SHD: variants seen among roughly 807,000 people sequenced by gnomAD.
SHD encodes the protein SH2 domain-containing adapter protein D.
SHD carries 29 observed loss-of-function variants against 31.2 expected under a neutral mutation model. The ratio of observed to expected loss-of-function variants is 0.93; its 90% CI spans 0.69 to 1.27. The LOEUF (loss-of-function observed/expected upper bound fraction) is 1.27, where lower values mean the gene tolerates loss of function less well. Ranked by LOEUF, SHD falls within the 50% of genes most tolerant of loss-of-function variation. SHD has a pLI of 0.00. For missense variants in SHD, 520 were observed against 453.8 expected (o/e 1.15, Z -1.33); for synonymous variants, 208 against 187.8 (o/e 1.11, Z -0.88).
intron 4 of SHD, among the ~76,000 whole-genome samples, chr19:4,285,722 G>A (rs551117964): frequency 2.2e-3 from 331 of 151,532 alleles, no homozygotes; most frequent in Non-Finnish European, 3.8e-3. Flanking sequence ...GCTAATTTTT[G>A]TATTTTCAGT....
At chr19:4,290,405 G>C (rs754124686) in intron 5 of SHD, 42 bp from the exon 6 acceptor site, 25 of 1,573,918 alleles carry the variant, frequency 1.6e-5, no homozygotes, top group Non-Finnish European at 2.2e-5. Context: ...TTTCTGGGTG[G>C]GTCCGGGATG....
Position 4,282,870 on chromosome 19 carries a change from C to G in SHD, c.298C>G (p.Leu100Val). The G allele has an allele frequency of 1.2e-6, 2 of 1,613,874 alleles. No homozygotes were observed. The highest frequency in any genetic ancestry group is 1.7e-6 in the Non-Finnish European group (2 of 1,179,862). ...CTTCTCCCCTTCCTTCTCTCCGCAG[C>G]TGGAAGCCGACACTGAGTATTTAGA... ...KALLGGPGEE[L>V]EADTEYLDPF... Residue 100 changes from leucine to valine, a missense_variant and splice_region_variant, in exon 2 of 6, where the codon CTG (leucine) becomes GTG (valine). Coordinates refer to ENST00000543264, the MANE Select transcript of SHD (RefSeq NM_020209.4).
rs986718749 is a variant in SHD, at chr19:4,279,836, C to T, written c.-228C>T. 5.0e-5 allele frequency: 29 copies of T among 581,982 alleles called. No individual in the cohort carries two copies. The East Asian group carries it at 8.1e-4, about 16-fold the overall frequency. The allele number at this position is 581,982 out of a possible 1,614,324, so 36.1% of individuals were successfully genotyped here. On this transcript the variant is annotated 5_prime_UTR_variant, in exon 1 of 6. Transcript: ENST00000543264. The surrounding 1 kb of genome is among the most constrained non-coding windows in gnomAD (Gnocchi z 7.5). ...CGGTGCTTCCCAAGCTGGGCTAAGGCGGGCTTCTCTTCCTCCCTCCTCTGT... is the reference window on the plus strand; with the variant it reads ...CGGTGCTTCCCAAGCTGGGCTAAGGTGGGCTTCTCTTCCTCCCTCCTCTGT...
At chr19:4,288,484 G>C in intron 5 of SHD, 122 bp downstream of exon 5, 1 of 1,228,416 alleles carries the variant, frequency 8.1e-7, no homozygotes, top group Non-Finnish European at 1.1e-6. Flanking sequence ...TTCCAGGTCA[G>C]TGGGTGGGAC....
chr19:4,281,911 G>C (rs1227882564), intron 1 of SHD, among the ~76,000 whole-genome samples: 1 of 152,178 alleles, frequency 6.6e-6, no homozygotes, highest in South Asian at 2.1e-4. Flanking sequence ...TCCTTGTCTG[G>C]AAAAGGGGAA....
chr19:4,282,464 G>A lies in SHD; in HGVS notation c.298-406G>A, dbSNP rs182091097. The stretch of plus-strand genomic sequence containing the variant: ...AACTCAGCTGGGCGCGGTTGCTCAC[G>A]CCTGTAATCCCAGCACGTTGGGAGC... On this transcript the variant is annotated intron_variant, in intron 1 of 5. Transcript: ENST00000543264. 3.7e-3 allele frequency among the ~76,000 whole-genome samples: 564 copies of A among 151,920 alleles called. 3 individuals are homozygous for A. The highest frequency in any genetic ancestry group is 0.013 in the African/African-American group (526 of 41,398).
chr19:4,280,702 AT>A (rs986375811), intron 1 of SHD, among the ~76,000 whole-genome samples: 24 of 151,384 alleles, frequency 1.6e-4, no homozygotes, highest in African/African-American at 5.6e-4. Context: ...TAATTTTTGT[AT>A]TTTCAGTAGA....
At chr19:4,288,055 C>A in intron 4 of SHD, 188 bp from the exon 5 acceptor site, 6 of 506,870 alleles carry the variant, frequency 1.2e-5, no homozygotes, top group Non-Finnish European at 1.9e-5. Context: ...GCACCCGCCA[C>A]CACGCCCGGC....
chr19:4,280,365 G>C lies in SHD; in HGVS notation c.297+5G>C. The C allele has an allele frequency of 1.3e-6, 2 of 1,554,656 alleles. No homozygotes were observed. The highest frequency in any genetic ancestry group is 1.7e-6 in the Non-Finnish European group (2 of 1,148,786). The stretch of plus-strand genomic sequence containing the variant: ...CTGGGCGGCCCCGGGGAGGAGGTGC[G>C]TGGCTGGGTGGCCTGGGGAGACTGG... On this transcript the variant is annotated splice_donor_5th_base_variant and intron_variant, in intron 1 of 5. Transcript: ENST00000543264.
chr19:4,288,558 A>C (rs888931), intron 5 of SHD, among the ~76,000 whole-genome samples, 196 bp downstream of exon 5: 73,165 of 151,742 alleles, frequency 0.48, 19,708 homozygotes, highest in African/African-American at 0.72. Context: ...GAATGAGCTC[A>C]CCATCGCTGG....
chr19:4,287,477 C>T (rs899691499), intron 4 of SHD, among the ~76,000 whole-genome samples: 28 of 151,784 alleles, frequency 1.8e-4, no homozygotes, highest in African/African-American at 6.3e-4. Flanking sequence ...ATAACCAGGG[C>T]TCCTCTTGAA....
chr19:4,280,729 G>T lies in SHD; in HGVS notation c.297+369G>T, dbSNP rs1179941478. Among the ~76,000 whole-genome samples, 6 of 152,166 alleles carry T rather than the reference G, an allele frequency of 3.9e-5. No homozygotes were observed. The South Asian group carries it at 1.0e-3, about 26-fold the overall frequency. On this transcript the variant is annotated intron_variant, in intron 1 of 5. Transcript: ENST00000543264. ...TTTCAGTAGAGACTGGTTTCACCAT[G>T]TTAGCCAGGCTGGACTCAAACTCCT... is the stretch of plus-strand genomic sequence containing the variant.
Position 4,290,706 on chromosome 19 carries a change from A to AT in SHD, c.*74dup, listed in dbSNP as rs1971370601. On this transcript the variant is annotated 3_prime_UTR_variant, in exon 6 of 6. Transcript: ENST00000543264. ...CCAAAGCCCTCCCATGGCCTAGAAA[A>AT]TAAATAAGTTATTGTTTGTCTTAGT... 7.0e-7 allele frequency: 1 copy of AT among 1,432,720 alleles called. No homozygotes were observed. The highest frequency in any genetic ancestry group is 9.3e-7 in the Non-Finnish European group (1 of 1,070,538). 88.8% of individuals were successfully genotyped at this position (1,432,720 alleles called of 1,614,324 possible). A position where few individuals can be genotyped will look rare whatever the true frequency, so the allele number is the denominator to read the frequency against.
Position 4,283,224 on chromosome 19 carries a change from A to T in SHD, c.574A>T (p.Ile192Phe). ...GCCCTGGGAGTGGAAGAAAGACCAC[A>T]TCTCCAGGGCGTTTGCAGGTGCTTC... ...DQPWEWKKDH[I>F]SRAFAVQFDS... Residue 192 changes from isoleucine (I) to phenylalanine (F), a missense_variant, in exon 3 of 6, where the codon ATC becomes TTC. By Grantham distance (21) the Ile-to-Phe change is conservative. Transcript: ENST00000543264. 6.2e-7 allele frequency: 1 copy of T among 1,613,354 alleles called. No homozygotes were observed.
At chr19:4,284,505 T>C in intron 3 of SHD, 1 of 274,518 alleles carries the variant, frequency 3.6e-6, no homozygotes, top group Admixed American at 5.3e-5. Flanking sequence ...GTTTAGGGAC[T>C]AGGGCTCCTC....
At chr19:4,289,406 C>A (rs1384879929) in intron 5 of SHD, among the ~76,000 whole-genome samples, 1 of 151,296 alleles carries the variant, frequency 6.6e-6, no homozygotes, top group Non-Finnish European at 1.5e-5. Flanking sequence ...CCGCCATGCC[C>A]GGCTAATTTT....
intron 4 of SHD, among the ~76,000 whole-genome samples, chr19:4,285,889 C>CTTTTTTTT (rs56142317): frequency 0.039 from 3,397 of 87,262 alleles, 394 homozygotes; most frequent in African/African-American, 0.099. Context: ...CTTTTCCTTT[C>CTTTTTTTT]TTTTTTTTTT....
Position 4,279,873 on chromosome 19 carries a change from C to A in SHD, c.-191C>A. The A allele has an allele frequency of 5.9e-6, 4 of 673,792 alleles. No homozygotes were observed. The South Asian group carries it at 8.2e-5, about 14-fold the overall frequency. 41.7% of individuals were successfully genotyped at this position (673,792 alleles called of 1,614,324 possible). On this transcript the variant is annotated 5_prime_UTR_variant, in exon 1 of 6. Coordinates refer to ENST00000543264, the MANE Select transcript of SHD (RefSeq NM_020209.4). The surrounding 1 kb of genome is among the most constrained non-coding windows in gnomAD (Gnocchi z 7.5). ...CCTCCCTCCTCTGTCGCCTCCTTTTCCTCCCCCTCGTTCACCTTTTCCTTC... is the reference window on the plus strand; with the variant it reads ...CCTCCCTCCTCTGTCGCCTCCTTTTACTCCCCCTCGTTCACCTTTTCCTTC...
In SHD at chr19:4,290,521, G is replaced by GGCCCTTCCCCAGCGT. The variant is rs760168697; in HGVS notation, c.916_930dup (p.Phe306_Pro310dup). The GGCCCTTCCCCAGCGT allele has an allele frequency of 3.2e-5, 52 of 1,613,502 alleles. No individual in the cohort carries two copies. The highest frequency in any genetic ancestry group is 3.3e-4 in the Middle Eastern group (2 of 6,080). On this transcript the variant is annotated inframe_insertion, in exon 6 of 6. Transcript: ENST00000543264. ...CAGGTGGTGCTGGGCCAACACAGCG[G>GGCCCTTCCCCAGCGT]GCCCTTCCCCAGCGTGCCCGAGCTC...
Sources: gnomAD v4.1 joint callset for allele counts (sites outside exome capture counted in the v4.1 genomes callset) on GRCh38, gnomAD v4.1.1 for gene constraint, Gnocchi (gnomAD v3.1) non-coding constraint, MANE v1.5 for transcripts, NCBI Gene and HGNC (gene_info 2026-07-23, HGNC 2026-07-21) for gene names.